Variants in SCN11A observed in about 807,000 individuals in gnomAD.
SCN11A encodes the protein sodium channel protein type 11 subunit alpha.
In SCN11A, 122 loss-of-function variants were observed where a neutral mutation model predicts 162.2. That is an observed-to-expected ratio of 0.75 (90% confidence interval 0.65 to 0.87). SCN11A has a LOEUF of 0.87. Among genes scored for constraint, SCN11A ranks in the 40% least tolerant of loss-of-function variants. The pLI, the probability that SCN11A is intolerant of heterozygous loss-of-function variation, is 0.00. For synonymous variants in SCN11A, 758 were observed against 751.5 expected, an observed-to-expected ratio of 1.01 and a Z score of -0.14; for missense variants, 2,015 against 2,181.6, an observed-to-expected ratio of 0.92 and a Z score of 1.52.
Position 38,920,933 on chromosome 3 carries a change from G to T in SCN11A, c.892+143C>A, listed in dbSNP as rs1198442365. On this transcript the variant is annotated intron_variant, in intron 10 of 29. Transcript: ENST00000302328. ...AGGCAATTCTCTAGGAAATGCATCT[G>T]CCCACAGGAGCACCCTGGATGGATG... 10 of 751,318 alleles carry T rather than the reference G, an allele frequency of 1.3e-5. No homozygotes were observed. In the African/African-American group the frequency reaches 1.8e-4, roughly 13 times the overall value. The allele number at this position is 751,318 out of a possible 1,614,324, so 46.5% of individuals were successfully genotyped here.
In SCN11A at chr3:38,847,664, C is replaced by A; in HGVS notation, c.4406G>T (p.Arg1469Leu). The part of the protein sequence containing the change: ...PTLFRIVRLA[R>L]IGRILRLVRA... ...GACAAGCCTCAGGATTCGGCCAATC[C>A]GAGCCAAGCGGACAATTCTGAAGAG... is the stretch of plus-strand genomic sequence containing the variant. Residue 1469 changes from arginine (R) to leucine (L), a missense_variant, in exon 30 of 30, where the codon CGG becomes CTG. Transcript: ENST00000302328. 6.2e-7 allele frequency: 1 copy of A among 1,613,816 alleles called. No individual in the cohort carries two copies. The highest frequency in any genetic ancestry group is 8.5e-7 in the Non-Finnish European group (1 of 1,179,794).
chr3:39,027,249 C>T (rs1354689206), intron 2 of SCN11A, among the ~76,000 whole-genome samples: 1 of 152,136 alleles, frequency 6.6e-6, no homozygotes, highest in Non-Finnish European at 1.5e-5. Context: ...AAGACTATTC[C>T]TTACTTAAGT....
intron 3 of SCN11A, among the ~76,000 whole-genome samples, chr3:38,953,990 C>A (rs1401814180): frequency 6.6e-6 from 1 of 152,116 alleles, no homozygotes; most frequent in Admixed American, 6.5e-5. Flanking sequence ...AGGTTAGCCC[C>A]AAACAAAGTA....
chr3:38,935,534 A>G (rs890649709), intron 7 of SCN11A, among the ~76,000 whole-genome samples: 29 of 152,342 alleles, frequency 1.9e-4, no homozygotes, highest in Middle Eastern at 6.8e-3. Flanking sequence ...ATAAAAAATG[A>G]TAAAGGGGAT....
Position 38,847,754 on chromosome 3 carries a change from G to C in SCN11A, c.4328-12C>G, listed in dbSNP as rs1442292719. ...AGAAATCATTGTACCTCAGGAGAAG[G>C]AGAAAAGTAAATAAGTTTCCAGAAG... On this transcript the variant is annotated splice_polypyrimidine_tract_variant and intron_variant, in intron 29 of 29. Coordinates refer to ENST00000302328, the MANE Select transcript of SCN11A (RefSeq NM_001349253.2). 1 of 1,540,860 alleles carries C rather than the reference G, an allele frequency of 6.5e-7. No individual in the cohort carries two copies. The highest frequency in any genetic ancestry group is 1.4e-5 in the African/African-American group (1 of 72,646).
chr3:38,883,561 T>A (rs1274193553), intron 21 of SCN11A, among the ~76,000 whole-genome samples, 174 bp from the exon 22 acceptor site: 1 of 152,218 alleles, frequency 6.6e-6, no homozygotes, highest in Non-Finnish European at 1.5e-5. Context: ...GCCATGTGAC[T>A]TGCTTTAGCC....
At chr3:38,967,043 T>G (rs1246124889) in intron 2 of SCN11A, among the ~76,000 whole-genome samples, 1 of 152,166 alleles carries the variant, frequency 6.6e-6, no homozygotes, top group Non-Finnish European at 1.5e-5. Context: ...ATTACTGATA[T>G]GGCCAACTGT....
intron 5 of SCN11A, 114 bp from the exon 6 acceptor site, chr3:38,947,021 T>C (rs2066528499): frequency 1.5e-6 from 1 of 662,498 alleles, no homozygotes; most frequent in South Asian, 2.0e-5. Flanking sequence ...TAACATAAAC[T>C]GTTGGGCTGT....
At chr3:38,910,329 A>G in intron 11 of SCN11A, 122 bp from the exon 12 acceptor site, 1 of 939,666 alleles carries the variant, frequency 1.1e-6, no homozygotes, top group Non-Finnish European at 1.6e-6. Context: ...AGAGGAAGGG[A>G]GTATTTGTAA....
At position 38,894,822 on chromosome 3, in the gene SCN11A, G is replaced by C. The variant is rs772310170; in HGVS notation, c.2546C>G (p.Thr849Ser). 17 of 1,614,092 alleles carry C rather than the reference G, an allele frequency of 1.1e-5. No homozygotes were observed. Among genetic ancestry groups the C allele is most frequent in the Non-Finnish European group, 1.4e-5 (17 of 1,180,040 alleles). ...FRRAFCFVRH[T>S]LEHFCHKWCR... Reference sequence around the variant, plus strand: ...CCACTTGTGACAGAAATGCTCAAGAGTGTGTCTCACAAAACAAAAAGCCCG... The same window carrying C: ...CCACTTGTGACAGAAATGCTCAAGACTGTGTCTCACAAAACAAAAAGCCCG... The change falls in exon 19 of 30, where the codon ACT becomes AGT. Residue 849 changes from threonine (T) to serine (S), a missense_variant. Physicochemically the swap from Thr to Ser is moderately conservative, Grantham distance 58. Transcript: ENST00000302328.
At chr3:38,943,476 A>T (rs1014291208) in intron 7 of SCN11A, among the ~76,000 whole-genome samples, 1 of 152,202 alleles carries the variant, frequency 6.6e-6, no homozygotes. Context: ...TGTTCCTGAA[A>T]GATTAAAGCA....
At chr3:39,024,748 C>A (rs1193659722) in intron 2 of SCN11A, among the ~76,000 whole-genome samples, 2 of 152,210 alleles carry the variant, frequency 1.3e-5, no homozygotes, top group Non-Finnish European at 2.9e-5. Context: ...GGAAGGAATG[C>A]ATGCTCAGAG....
At chr3:38,945,624 T>TTG (rs2066505479) in intron 6 of SCN11A, 112 bp from the exon 7 acceptor site, 4 of 602,176 alleles carry the variant, frequency 6.6e-6, no homozygotes, top group Non-Finnish European at 1.1e-5. Context: ...GCATCTATCT[T>TTG]CTGACTGTGA....
In SCN11A at chr3:38,952,498, T is replaced by C. The variant is rs111668329; in HGVS notation, c.-8+1131A>G. ...CTTCAACAATTATATGCCCTGTGTC[T>C]GTTCTAGGCATGGTGCTAGGCACTA... On this transcript the variant is annotated intron_variant, in intron 4 of 29. Coordinates refer to ENST00000302328, the MANE Select transcript of SCN11A (RefSeq NM_001349253.2). Among the ~76,000 whole-genome samples the C allele has an allele frequency of 3.2e-3, 487 of 152,354 alleles. 3 individuals carry two copies. The highest frequency in any genetic ancestry group is 0.011 in the African/African-American group (466 of 41,594).
At chr3:39,022,885 A>G (rs560063776) in intron 2 of SCN11A, among the ~76,000 whole-genome samples, 1 of 152,190 alleles carries the variant, frequency 6.6e-6, no homozygotes, top group African/African-American at 2.4e-5. Flanking sequence ...TCTCAAAAAA[A>G]AAATAAATAA....
chr3:38,966,935 G>A (rs1300989481), intron 2 of SCN11A, among the ~76,000 whole-genome samples: 1 of 152,202 alleles, frequency 6.6e-6, no homozygotes, highest in Non-Finnish European at 1.5e-5. Flanking sequence ...CTCCAGTGTG[G>A]GAGTTTATTT....
At chr3:38,884,023 C>A (rs1228545274) in intron 21 of SCN11A, among the ~76,000 whole-genome samples, 1 of 152,122 alleles carries the variant, frequency 6.6e-6, no homozygotes, top group African/African-American at 2.4e-5. Flanking sequence ...CACACACAGG[C>A]CTTCAATATA....
chr3:38,958,612 A>G (rs2066710660), intron 3 of SCN11A, among the ~76,000 whole-genome samples: 1 of 152,246 alleles, frequency 6.6e-6, no homozygotes, highest in Admixed American at 6.5e-5. Context: ...AGCCATAGCC[A>G]TCTAATATGT....
At chr3:38,950,063 A>AGC in intron 5 of SCN11A, 33 bp downstream of exon 5, 1 of 62,402 alleles carries the variant, frequency 1.6e-5, no homozygotes, top group Non-Finnish European at 3.1e-5. Context: ...GAACACCCCC[A>AGC]CCCCCACCCC....
Sources: gnomAD v4.1 joint callset for allele counts (sites outside exome capture counted in the v4.1 genomes callset) on GRCh38, gnomAD v4.1.1 for gene constraint, MANE v1.5 for transcripts, NCBI Gene and HGNC (gene_info 2026-07-23, HGNC 2026-07-21) for gene names.